RDH10: variants seen among roughly 807,000 people sequenced by gnomAD.
The protein encoded by RDH10 is retinol dehydrogenase 10.
In RDH10, 12 loss-of-function variants were observed where a neutral mutation model predicts 30.2. The ratio of observed to expected loss-of-function variants is 0.40; its 90% CI spans 0.25 to 0.64. The LOEUF (loss-of-function observed/expected upper bound fraction) is 0.64. Ranked by LOEUF, RDH10 falls within the 30% of genes least tolerant of loss-of-function variation. RDH10 has a pLI of 0.43. For missense variants in RDH10, 268 were observed against 445.2 expected (o/e 0.60, Z 3.58); for synonymous variants, 189 against 172.2 (o/e 1.10, Z -0.76).
intron 2 of RDH10, among the ~76,000 whole-genome samples, chr8:73,315,101 T>G (rs898619989): frequency 6.6e-6 from 1 of 151,966 alleles, no homozygotes; most frequent in Admixed American, 6.6e-5. Context: ...ATATCTGGAT[T>G]GTTTGGTTTC....
chr8:73,302,492 C>A (rs1288351132), intron 2 of RDH10, among the ~76,000 whole-genome samples: 1 of 152,088 alleles, frequency 6.6e-6, no homozygotes, highest in Non-Finnish European at 1.5e-5. Context: ...TCAAGACCAG[C>A]GTTGGCAACA....
Position 73,295,295 on chromosome 8 carries a change from C to T in RDH10, c.6C>T (p.Asn2=). Reference sequence around the variant, plus strand: ...GCGGGGCCCCGGGCGTCGCGATGAACATCGTGGTGGAGTTCTTCGTGGTCA... The same window carrying T: ...GCGGGGCCCCGGGCGTCGCGATGAATATCGTGGTGGAGTTCTTCGTGGTCA... M[N]IVVEFFVVTF... Residue 2 remains asparagine (N), a synonymous_variant, in exon 1 of 6, where the codon AAC becomes AAT. Transcript: ENST00000240285. 1.3e-6 allele frequency: 2 copies of T among 1,560,914 alleles called. No homozygotes were observed. Among genetic ancestry groups the T allele is most frequent in the South Asian group, 1.2e-5 (1 of 85,168 alleles).
At chr8:73,312,698 T>TAAAC (rs1304829560) in intron 2 of RDH10, 1 of 152,218 alleles carries the variant, frequency 6.6e-6, no homozygotes, top group Admixed American at 6.5e-5. Flanking sequence ...ATGGTGTTCT[T>TAAAC]TTTTATTCAA....
chr8:73,296,958 C>T (rs1429846138), intron 1 of RDH10: 3 of 480,624 alleles, frequency 6.2e-6, no homozygotes, highest in African/African-American at 5.9e-5. Flanking sequence ...GTCACAATTA[C>T]ATGACTTTCC....
At chr8:73,316,592 G>A (rs9886504) in intron 2 of RDH10, among the ~76,000 whole-genome samples, 28,631 of 152,134 alleles carry the variant, frequency 0.19, 2,701 homozygotes, top group East Asian at 0.21. Flanking sequence ...GTAATGAGAA[G>A]TGTGTTCACT....
chr8:73,323,524 T>C lies in RDH10; in HGVS notation c.*488T>C, dbSNP rs1814805111. ...AGGCCTAGGTGACTTTTTCATGGTG[T>C]TTGTATGTTTAGCTCTTTTGAAAAG... is the stretch of plus-strand genomic sequence containing the variant. On this transcript the variant is annotated 3_prime_UTR_variant, in exon 6 of 6. Coordinates refer to ENST00000240285, the MANE Select transcript of RDH10 (RefSeq NM_172037.5). The C allele has an allele frequency of 6.4e-6, 1 of 156,096 alleles. No homozygotes were observed. Among genetic ancestry groups the C allele is most frequent in the African/African-American group, 2.4e-5 (1 of 41,470 alleles). The allele number at this position is 156,096 out of a possible 1,614,324, so 9.7% of individuals were successfully genotyped here.
At chr8:73,297,470 T>A in intron 2 of RDH10, 41 bp downstream of exon 2, 1 of 1,407,944 alleles carries the variant, frequency 7.1e-7, no homozygotes, top group Non-Finnish European at 1.0e-6. Context: ...GGGCCCTCCT[T>A]AATGAGAAGG....
In RDH10 at chr8:73,324,752, A is replaced by G. The variant is rs569262705; in HGVS notation, c.*1716A>G. 10 of 152,298 alleles carry G rather than the reference A, an allele frequency of 6.6e-5. No homozygotes were observed. Among genetic ancestry groups the G allele is most frequent in the Non-Finnish European group, 1.3e-4 (9 of 68,016 alleles). The allele number at this position is 152,298 out of a possible 1,614,324, so 9.4% of individuals were successfully genotyped here. ...TTACTGTCCCTAGATTAGAGACTTG[A>G]TTAAGGGCTTGTTTGTACCAAAAGT... is the stretch of plus-strand genomic sequence containing the variant. On this transcript the variant is annotated 3_prime_UTR_variant, in exon 6 of 6. Transcript: ENST00000240285.
chr8:73,322,682 A>G lies in RDH10; in HGVS notation c.774A>G (p.Lys258=). The change falls in exon 5 of 6, where the codon AAA becomes AAG. Residue 258 remains lysine (K), a synonymous_variant. Coordinates refer to ENST00000240285, the MANE Select transcript of RDH10 (RefSeq NM_172037.5). ...TTTTTGAATAAATAACTTTCAGGAA[A>G]GAAATTGAGCCTTTTCTGCCACCTC... is the stretch of plus-strand genomic sequence containing the variant. ...TGMFRGCRIR[K]EIEPFLPPLK... is the part of the protein sequence containing the mutation. 1 of 1,607,398 alleles carries G rather than the reference A, an allele frequency of 6.2e-7. No homozygotes were observed. Among genetic ancestry groups the G allele is most frequent in the Non-Finnish European group, 8.5e-7 (1 of 1,178,072 alleles).
intron 2 of RDH10, among the ~76,000 whole-genome samples, chr8:73,318,429 G>A (rs11779182): frequency 0.21 from 32,034 of 152,142 alleles, 3,403 homozygotes; most frequent in Middle Eastern, 0.23. Context: ...GAGTCCCTGC[G>A]GTGAAACCCA....
At chr8:73,310,976 C>T (rs1814553121) in intron 2 of RDH10, 1 of 152,142 alleles carries the variant, frequency 6.6e-6, no homozygotes, top group Admixed American at 6.5e-5. Context: ...ACAGCCGTGA[C>T]ATCATAGAAA....
chr8:73,309,053 A>G (rs1352532644), intron 2 of RDH10, among the ~76,000 whole-genome samples: 2 of 151,984 alleles, frequency 1.3e-5, no homozygotes, highest in South Asian at 2.1e-4. Context: ...CACTTTTTCA[A>G]TATTCCATCT....
chr8:73,298,459 A>G (rs574932929), intron 2 of RDH10, among the ~76,000 whole-genome samples: 3 of 152,230 alleles, frequency 2.0e-5, no homozygotes, highest in Non-Finnish European at 4.4e-5. Context: ...TCAAGCATCA[A>G]ACCTTTTCTC....
intron 2 of RDH10, among the ~76,000 whole-genome samples, chr8:73,303,379 G>C (rs1427111501): frequency 6.6e-6 from 1 of 152,106 alleles, no homozygotes; most frequent in Non-Finnish European, 1.5e-5. Flanking sequence ...CTTACATTTA[G>C]AATTTCAAAA....
intron 2 of RDH10, among the ~76,000 whole-genome samples, chr8:73,305,351 A>G (rs556563343): frequency 2.0e-5 from 3 of 152,338 alleles, no homozygotes; most frequent in African/African-American, 7.2e-5. Context: ...TAATAGCCTC[A>G]CCTGAGAGTT....
intron 2 of RDH10, among the ~76,000 whole-genome samples, chr8:73,302,393 T>C (rs551328410): frequency 1.3e-5 from 2 of 152,328 alleles, no homozygotes; most frequent in Non-Finnish European, 2.9e-5. Flanking sequence ...ACTTGAAAGA[T>C]ACCTCTCTTG....
At position 73,295,406 on chromosome 8, in the gene RDH10, C is replaced by A; in HGVS notation, c.117C>A (p.Cys39Ter). Reference protein sequence around the residue: ...PKEKSVAGQVCLITGAGSGLG... With the variant: ...PKEKSVAGQV ...AGAAGAGCGTGGCGGGCCAGGTGTG[C>A]CTCATCACCGGCGCCGGCAGCGGCC... The change falls in exon 1 of 6, where the codon TGC becomes TGA. Residue 39 changes from cysteine to a stop codon, truncating the protein, a stop_gained. Coordinates refer to ENST00000240285, the MANE Select transcript of RDH10 (RefSeq NM_172037.5). LOFTEE classifies it high-confidence loss of function. The A allele has an allele frequency of 6.5e-7, 1 of 1,549,482 alleles. No individual in the cohort carries two copies. The highest frequency in any genetic ancestry group is 8.7e-7 in the Non-Finnish European group (1 of 1,148,674).
At chr8:73,295,602 A>G in intron 1 of RDH10, 24 bp downstream of exon 1, 4 of 1,469,710 alleles carry the variant, frequency 2.7e-6, no homozygotes, top group Non-Finnish European at 2.7e-6. Flanking sequence ...GCGCGGGAGC[A>G]TTGTTGGGTC....
intron 1 of RDH10, among the ~76,000 whole-genome samples, chr8:73,296,054 A>G (rs1814260346): frequency 6.6e-6 from 1 of 152,184 alleles, no homozygotes; most frequent in South Asian, 2.1e-4. Context: ...AGCCTGAGGA[A>G]CATAATTACA....
Sources: allele counts gnomAD v4.1 joint callset (sites outside exome capture counted in the v4.1 genomes callset), GRCh38; gene constraint gnomAD v4.1.1; transcripts MANE v1.5; gene names NCBI Gene and HGNC (gene_info 2026-07-23, HGNC 2026-07-21).